The following KCNMA1 variants were observed in gnomAD, a reference collection of about 807,000 sequenced individuals.
The protein encoded by KCNMA1 is Calcium-activated potassium channel subunit alpha-1.
A neutral mutation model predicts 140.0 loss-of-function variants in KCNMA1; 29 were observed. That is an observed-to-expected ratio of 0.21 (90% CI 0.15 to 0.28). KCNMA1 has a LOEUF of 0.28. Ranked by LOEUF, KCNMA1 falls within the 10% of genes least tolerant of loss-of-function variation. KCNMA1 has a pLI of 1.00. For missense variants in KCNMA1, 880 were observed against 1,602.2 expected (o/e 0.55, Z 7.70); for synonymous variants, 612 against 611.9 (o/e 1.00, Z 0.00).
rs531326260 is a variant in KCNMA1 at position 77,094,546 on chromosome 10, G to C, written c.1224-4036C>G. Among the ~76,000 whole-genome samples the C allele has an allele frequency of 2.2e-4, 33 of 152,262 alleles. 1 individual carries two copies. The highest frequency in any genetic ancestry group is 7.7e-4 in the African/African-American group (32 of 41,556). On this transcript the variant is annotated intron_variant, in intron 9 of 27. Coordinates refer to ENST00000286628, the MANE Select transcript of KCNMA1 (RefSeq NM_001161352.2). ...AAGATCACTAGAGTCTGGCTGGATA[G>C]GCAGTATCATGATAGTCTTAGCAAA...
At chr10:77,118,868 T>G (rs915249284) in intron 6 of KCNMA1, among the ~76,000 whole-genome samples, 8 of 152,230 alleles carry the variant, frequency 5.3e-5, no homozygotes, top group African/African-American at 1.9e-4. Flanking sequence ...CAATGGGTGC[T>G]CACTCCAGGC....
At chr10:77,408,410 G>A (rs1027006097) in intron 1 of KCNMA1, among the ~76,000 whole-genome samples, 4 of 152,104 alleles carry the variant, frequency 2.6e-5, no homozygotes, top group Non-Finnish European at 5.9e-5. Context: ...GCATGTGTGA[G>A]AGTGTGTGCA....
At chr10:77,333,396 G>GAAAGAAAGA (rs1555206054) in intron 2 of KCNMA1, among the ~76,000 whole-genome samples, 1 of 142,988 alleles carries the variant, frequency 7.0e-6, no homozygotes, top group African/African-American at 2.6e-5. Context: ...AAGAAAGAAA[G>GAAAGAAAGA]AAAGAAAAGA....
chr10:76,926,464 T>C (rs1348372810), intron 23 of KCNMA1, among the ~76,000 whole-genome samples: 5 of 152,210 alleles, frequency 3.3e-5, no homozygotes, highest in African/African-American at 1.2e-4. Flanking sequence ...TCATCAGTAC[T>C]AACTTACTAT....
chr10:77,090,323 C>G, intron 10 of KCNMA1, 77 bp downstream of exon 10: 1 of 1,012,242 alleles, frequency 9.9e-7, no homozygotes, highest in Non-Finnish European at 1.6e-6. Flanking sequence ...AAGACCTCCA[C>G]TCTTACAGAC....
intron 2 of KCNMA1, among the ~76,000 whole-genome samples, chr10:77,401,772 T>C (rs1008000970): frequency 2.0e-5 from 3 of 152,234 alleles, no homozygotes; most frequent in Non-Finnish European, 4.4e-5. Flanking sequence ...CATCTTGAAA[T>C]GGGAGTTTTA....
chr10:77,609,728 A>C (rs2086066602), intron 1 of KCNMA1, among the ~76,000 whole-genome samples: 1 of 151,252 alleles, frequency 6.6e-6, no homozygotes, highest in African/African-American at 2.4e-5. Context: ...ATCCAGAGAA[A>C]ATTTTAATAA....
At chr10:77,217,388 G>T in intron 3 of KCNMA1, 1 of 364,430 alleles carries the variant, frequency 2.7e-6, no homozygotes, top group Non-Finnish European at 5.8e-6. Context: ...AGATGTAGAT[G>T]CCCATCAATC....
At chr10:77,115,545 A>G (rs555015203) in intron 6 of KCNMA1, among the ~76,000 whole-genome samples, 2 of 152,304 alleles carry the variant, frequency 1.3e-5, no homozygotes, top group African/African-American at 4.8e-5. Context: ...CTTCACTTAC[A>G]TACTCCTGGA....
chr10:77,099,607 G>C lies in KCNMA1; in HGVS notation c.1223+8874C>G, dbSNP rs1017043134. On this transcript the variant is annotated intron_variant, in intron 9 of 27. Coordinates refer to ENST00000286628, the MANE Select transcript of KCNMA1 (RefSeq NM_001161352.2). ...CGTACGCCTGTAATCCCAGCTACTC[G>C]AGGGGCTGAGGCAGGAGAATTGCTT... Among the ~76,000 whole-genome samples the C allele has an allele frequency of 3.9e-5, 6 of 152,066 alleles. No individual in the cohort carries two copies. The South Asian group carries it at 1.0e-3, about 26-fold the overall frequency.
At chr10:77,148,001 C>T (rs1349429762) in intron 5 of KCNMA1, among the ~76,000 whole-genome samples, 1 of 152,098 alleles carries the variant, frequency 6.6e-6, no homozygotes, top group African/African-American at 2.4e-5. Context: ...GAGAAAGGGA[C>T]ACTTCAGGCA....
In KCNMA1 at chr10:77,001,453, T is replaced by C. The variant is rs2086412683; in HGVS notation, c.2220A>G (p.Pro740=). Residue 740 remains proline, a synonymous_variant, in exon 19 of 28, where the codon CCA becomes CCG. Transcript: ENST00000286628. ...GNVDTLERAF[P]LSSVSVNDCS... ...AATCATTAACAGAGACAGAAGAAAG[T>C]GGGAAGGCTCTCTCAAGGGTGTCCA... The C allele has an allele frequency of 1.9e-6, 3 of 1,551,574 alleles. No individual in the cohort carries two copies. The highest frequency in any genetic ancestry group is 2.6e-6 in the Non-Finnish European group (3 of 1,146,948).
chr10:77,062,325 G>T (rs1295292045), intron 14 of KCNMA1, among the ~76,000 whole-genome samples: 1 of 152,144 alleles, frequency 6.6e-6, no homozygotes, highest in Non-Finnish European at 1.5e-5. Context: ...GAAGGTGTCT[G>T]TAAACATTAG....
intron 21 of KCNMA1, chr10:76,951,981 C>G: frequency 6.6e-7 from 1 of 1,505,760 alleles, no homozygotes. Context: ...AGTAGGCCTC[C>G]TGGAGATGTT....
chr10:76,968,997 G>A (rs2075046241), intron 20 of KCNMA1, among the ~76,000 whole-genome samples: 1 of 152,124 alleles, frequency 6.6e-6, no homozygotes, highest in Non-Finnish European at 1.5e-5. Flanking sequence ...CAAGATGGCA[G>A]GCATTTCCAG....
At chr10:77,087,540 C>A (rs982128018) in intron 10 of KCNMA1, among the ~76,000 whole-genome samples, 1 of 152,160 alleles carries the variant, frequency 6.6e-6, no homozygotes, top group African/African-American at 2.4e-5. Flanking sequence ...TCTCATCCCC[C>A]AAGGCCTGGA....
chr10:77,174,400 GGTGT>G (rs2098735269), intron 5 of KCNMA1, among the ~76,000 whole-genome samples: 1 of 152,184 alleles, frequency 6.6e-6, no homozygotes, highest in Non-Finnish European at 1.5e-5. Context: ...AAAAAGCCAT[GGTGT>G]GTGCTGTCAC....
At chr10:77,013,144 T>C (rs528627894) in intron 17 of KCNMA1, among the ~76,000 whole-genome samples, 2 of 152,314 alleles carry the variant, frequency 1.3e-5, no homozygotes, top group South Asian at 4.1e-4. Flanking sequence ...GATTCTTAGG[T>C]TCCTTTTTAT....
At chr10:76,954,269 G>GCACACACACACA (rs10663230) in intron 20 of KCNMA1, among the ~76,000 whole-genome samples, 11 of 141,098 alleles carry the variant, frequency 7.8e-5, no homozygotes, top group Admixed American at 5.6e-4. Context: ...TCCCCAGCGT[G>GCACACACACACA]CACACACACA....
Sources: gnomAD v4.1 joint callset for allele counts (sites outside exome capture counted in the v4.1 genomes callset) on GRCh38, gnomAD v4.1.1 for gene constraint, MANE v1.5 for transcripts, NCBI Gene and HGNC (gene_info 2026-07-23, HGNC 2026-07-21) for gene names.